The following TMEM117 variants were observed in gnomAD, a reference collection of about 807,000 sequenced individuals.
TMEM117 encodes the protein transmembrane protein 117.
TMEM117 carries 27 observed loss-of-function variants against 52.4 expected under a neutral mutation model. The ratio of observed to expected loss-of-function variants is 0.51; its 90% confidence interval spans 0.38 to 0.71. TMEM117 has a LOEUF of 0.71. Ranked by LOEUF, TMEM117 falls within the 30% of genes least tolerant of loss-of-function variation. TMEM117 has a pLI of 0.00. For missense variants in TMEM117, 556 were observed against 630.5 expected (o/e 0.88, Z 1.26); for synonymous variants, 215 against 206.3 (o/e 1.04, Z -0.36).
upstream of TMEM117, among the ~76,000 whole-genome samples, chr12:43,831,546 A>ATTT (rs11449366): frequency 7.3e-6 from 1 of 137,600 alleles, no homozygotes; most frequent in African/African-American, 2.7e-5. Context: ...GTTACTTCTG[A>ATTT]TTTTTTTTTT....
rs142303032 is a variant in TMEM117 at position 43,876,166 on chromosome 12, C to T, written c.277+31238C>T. Reference sequence around the variant, plus strand: ...TCTCATGACTTTGTCCTTTCCTTTCCGGTTATTGTTCACCTTGCATTTATG... The same window carrying T: ...TCTCATGACTTTGTCCTTTCCTTTCTGGTTATTGTTCACCTTGCATTTATG... On this transcript the variant is annotated intron_variant, in intron 2 of 7. Transcript: ENST00000266534. Among the ~76,000 whole-genome samples, 624 of 152,190 alleles carry T rather than the reference C, an allele frequency of 4.1e-3. 2 individuals are homozygous for T. Among genetic ancestry groups the T allele is most frequent in the Middle Eastern group, 6.8e-3 (2 of 294 alleles).
intron 6 of TMEM117, among the ~76,000 whole-genome samples, chr12:44,351,201 A>G (rs1565744380): frequency 1.3e-5 from 2 of 151,476 alleles, no homozygotes; most frequent in Admixed American, 6.6e-5. Flanking sequence ...TTTTTATTGG[A>G]TTATTAAATT....
At chr12:44,015,137 T>G (rs1946354254) in intron 3 of TMEM117, among the ~76,000 whole-genome samples, 1 of 152,144 alleles carries the variant, frequency 6.6e-6, no homozygotes, top group African/African-American at 2.4e-5. Flanking sequence ...CTGTTATTAC[T>G]CGTACTGTCT....
At chr12:43,800,045 G>T in the TMEM117 span, among the ~76,000 whole-genome samples, 1 of 152,080 alleles carries the variant, frequency 6.6e-6, no homozygotes, top group Non-Finnish European at 1.5e-5. Flanking sequence ...TAATGGTGAA[G>T]AAGCAATATA....
At chr12:44,383,033 ATCT>A (rs780878539) in intron 7 of TMEM117, among the ~76,000 whole-genome samples, 16 of 152,078 alleles carry the variant, frequency 1.1e-4, no homozygotes, top group Non-Finnish European at 2.2e-4. Flanking sequence ...TCCAAAATTC[ATCT>A]TCTTCAAGGC....
intron 7 of TMEM117, among the ~76,000 whole-genome samples, chr12:44,384,886 AC>A (rs1952067626): frequency 6.6e-6 from 1 of 152,208 alleles, no homozygotes; most frequent in Non-Finnish European, 1.5e-5. Flanking sequence ...ATGTTCTAAC[AC>A]AACATCTCAT....
At chr12:44,358,410 G>C (rs1057085474) in intron 6 of TMEM117, among the ~76,000 whole-genome samples, 1 of 152,088 alleles carries the variant, frequency 6.6e-6, no homozygotes, top group African/African-American at 2.4e-5. Flanking sequence ...ATTCTCAGAG[G>C]ATGGTTGGCC....
rs149065180 is a variant in TMEM117 at position 44,046,804 on chromosome 12, T to C, written c.411-96721T>C. Among the ~76,000 whole-genome samples the C allele has an allele frequency of 3.4e-3, 520 of 152,342 alleles. 6 individuals are homozygous for C. The highest frequency in any genetic ancestry group is 0.012 in the African/African-American group (480 of 41,596). On this transcript the variant is annotated intron_variant, in intron 3 of 7. Coordinates refer to ENST00000266534, the MANE Select transcript of TMEM117 (RefSeq NM_032256.3). ...TTTCCTTTTCCTTTATCATATGACA[T>C]AAGATTTATTGACTTCATATTAGCA...
intron 5 of TMEM117, among the ~76,000 whole-genome samples, chr12:44,231,309 A>G (rs1041246486): frequency 6.6e-6 from 1 of 151,798 alleles, no homozygotes; most frequent in Non-Finnish European, 1.5e-5. Flanking sequence ...TTTAGAGTGT[A>G]TCTCTAGTTT....
chr12:43,939,735 A>G (rs1049671076), intron 2 of TMEM117, among the ~76,000 whole-genome samples: 10 of 152,232 alleles, frequency 6.6e-5, no homozygotes, highest in Non-Finnish European at 1.3e-4. Flanking sequence ...TTAGTTTGAT[A>G]ACTCAGACTT....
chr12:44,293,283 A>G (rs758072954), intron 5 of TMEM117, among the ~76,000 whole-genome samples: 1 of 152,016 alleles, frequency 6.6e-6, no homozygotes, highest in Non-Finnish European at 1.5e-5. Flanking sequence ...GTCTTTTCCC[A>G]TTCCTACATT....
At chr12:44,387,288 T>C (rs978368054) in intron 7 of TMEM117, among the ~76,000 whole-genome samples, 7 of 151,776 alleles carry the variant, frequency 4.6e-5, no homozygotes, top group African/African-American at 1.7e-4. Context: ...TTTGCAAATG[T>C]AAAAATATCA....
At position 44,241,000 on chromosome 12, in the gene TMEM117, G is replaced by C. The variant is rs564010364; in HGVS notation, c.608+29613G>C. ...GGATTAGAGTCTTCCCTTGTTATCC[G>C]TGTGAATTGGTTTCAGAGCCCTTGT... On this transcript the variant is annotated intron_variant, in intron 5 of 7. Transcript: ENST00000266534. 1.3e-5 allele frequency among the ~76,000 whole-genome samples: 2 copies of C among 151,834 alleles called. 1 individual carries two copies. Among genetic ancestry groups the C allele is most frequent in the South Asian group, 4.1e-4 (2 of 4,820 alleles).
intron 3 of TMEM117, among the ~76,000 whole-genome samples, chr12:44,038,192 C>G (rs1423393580): frequency 6.6e-6 from 1 of 152,120 alleles, no homozygotes; most frequent in Non-Finnish European, 1.5e-5. Context: ...CCTTGCTTGC[C>G]TTGTTGCAGG....
intron 2 of TMEM117, among the ~76,000 whole-genome samples, chr12:43,851,338 T>C (rs968556713): frequency 6.6e-6 from 1 of 152,166 alleles, no homozygotes; most frequent in Non-Finnish European, 1.5e-5. Flanking sequence ...AGAATTGATA[T>C]GTTTAGAATT....
rs568165500 is a variant in TMEM117, at chr12:44,167,418, C to T, written c.510+23794C>T. ...GCGCGGTGGGTCACGCCTGTAATCC[C>T]AGCACTTTGGGAGGCCGAGGCGGGC... On this transcript the variant is annotated intron_variant, in intron 4 of 7. Coordinates refer to ENST00000266534, the MANE Select transcript of TMEM117 (RefSeq NM_032256.3). Among the ~76,000 whole-genome samples, 17 of 152,212 alleles carry T rather than the reference C, an allele frequency of 1.1e-4. No individual in the cohort carries two copies. The East Asian group carries it at 3.1e-3, about 28-fold the overall frequency.
At chr12:44,114,209 T>C (rs1948092733) in intron 3 of TMEM117, among the ~76,000 whole-genome samples, 1 of 152,150 alleles carries the variant, frequency 6.6e-6, no homozygotes, top group Non-Finnish European at 1.5e-5. Flanking sequence ...GAGCTGTTCC[T>C]ATTCGGCCAT....
chr12:44,391,592 G>C (rs79201251), downstream of TMEM117, among the ~76,000 whole-genome samples: 3,974 of 152,194 alleles, frequency 0.026, 69 homozygotes, highest in Middle Eastern at 0.058. Flanking sequence ...ATACATGGTA[G>C]CTCACCACTG....
intron 2 of TMEM117, among the ~76,000 whole-genome samples, chr12:43,865,586 A>G (rs1943578520): frequency 6.6e-6 from 1 of 151,982 alleles, no homozygotes; most frequent in African/African-American, 2.4e-5. Context: ...AATTCCAGCT[A>G]CTAGAGGGGC....
Sources: allele counts gnomAD v4.1 joint callset (sites outside exome capture counted in the v4.1 genomes callset), GRCh38; gene constraint gnomAD v4.1.1; transcripts MANE v1.5; gene names NCBI Gene and HGNC (gene_info 2026-07-23, HGNC 2026-07-21).